The following USP9X variants were observed in gnomAD, a reference collection of about 807,000 sequenced individuals.
USP9X encodes ubiquitin carboxyl-terminal hydrolase 9X.
USP9X carries 7 observed loss-of-function variants against 190.3 expected under a neutral mutation model. The observed-to-expected ratio is 0.04, with a 90% CI of 0.02 to 0.07. The LOEUF is 0.07. Among genes scored for constraint, USP9X ranks in the 10% least tolerant of loss-of-function variants. USP9X has a pLI of 1.00. For missense variants in USP9X, 1,010 were observed against 1,916.9 expected (o/e 0.53, Z 8.83); for synonymous variants, 645 against 659.5 (o/e 0.98, Z 0.34).
chrX:41,088,495 T>A (rs757418145), intron 1 of USP9X, among the ~76,000 whole-genome samples: 1 of 112,541 alleles, frequency 8.9e-6, no homozygotes, highest in East Asian at 2.8e-4. Context: ...TTTAATAAGA[T>A]CAATTTCTAA....
Position 41,210,693 on chromosome X carries a change from A to C in USP9X, c.5189+11A>C, listed in dbSNP as rs1316775454. ...AGGCTGCCCACATAGGTAAGTACTA[A>C]TTACACATTGAAAGTATATGTTGTA... On this transcript the variant is annotated intron_variant, in intron 33 of 44. Transcript: ENST00000378308. 1 of 1,206,546 alleles carries C rather than the reference A, an allele frequency of 8.3e-7. No individual in the cohort carries two copies.
chrX:41,157,903 GTCTAA>G (rs963509674), intron 14 of USP9X, among the ~76,000 whole-genome samples: 44 of 111,928 alleles, frequency 3.9e-4, no homozygotes, highest in African/African-American at 1.1e-3. Flanking sequence ...TGATGACAAT[GTCTAA>G]TCTAAATTAG....
intron 1 of USP9X, 98 bp from the exon 2 acceptor site, chrX:41,123,373 T>C: frequency 3.0e-6 from 1 of 329,820 alleles, no homozygotes; most frequent in Non-Finnish European, 5.3e-6. Context: ...AGCCCCTTTT[T>C]CCTGATTAGA....
intron 30 of USP9X, among the ~76,000 whole-genome samples, chrX:41,200,186 A>G (rs1303931129): frequency 9.2e-6 from 1 of 108,650 alleles, no homozygotes; most frequent in Non-Finnish European, 1.9e-5. Flanking sequence ...TAGCTGTCCT[A>G]TCAAATCTAT....
chrX:41,132,487 A>G (rs181993762), intron 4 of USP9X, among the ~76,000 whole-genome samples: 47 of 109,769 alleles, frequency 4.3e-4, no homozygotes, highest in Admixed American at 2.0e-3. Context: ...TATTCTTAGT[A>G]AAGACGGGGT....
At chrX:41,091,733 G>GA (rs1270337894) in intron 1 of USP9X, among the ~76,000 whole-genome samples, 4 of 111,540 alleles carry the variant, frequency 3.6e-5, no homozygotes, top group Non-Finnish European at 7.5e-5. Context: ...TTTTTCAGAT[G>GA]AAAAAAATGG....
intron 13 of USP9X, among the ~76,000 whole-genome samples, 185 bp downstream of exon 13, chrX:41,151,242 A>G (rs1258437014): frequency 1.8e-5 from 2 of 111,172 alleles, no homozygotes; most frequent in African/African-American, 6.5e-5. Flanking sequence ...TTAATGAGGA[A>G]GTAAGCCACA....
intron 1 of USP9X, among the ~76,000 whole-genome samples, chrX:41,098,837 G>GTCTGGCTGACGTTTGAGATTGTT (rs1569146880): frequency 1.8e-5 from 2 of 111,072 alleles, no homozygotes; most frequent in African/African-American, 6.6e-5. Context: ...GAGCCACCGT[G>GTCTGGCTGACGTTTGAGATTGTT]CCCAGCCAAC....
chrX:41,204,295 A>G (rs2063070338), intron 31 of USP9X, among the ~76,000 whole-genome samples: 1 of 111,709 alleles, frequency 9.0e-6, no homozygotes, highest in Non-Finnish European at 1.9e-5. Context: ...TGTATGTTCT[A>G]GATATTAACT....
chrX:41,166,937 A>G (rs1216663569), intron 16 of USP9X, among the ~76,000 whole-genome samples: 1 of 112,039 alleles, frequency 8.9e-6, no homozygotes, highest in African/African-American at 3.2e-5. Context: ...TTGAACAAGG[A>G]AAATATGTTT....
At chrX:41,140,633 T>G (rs1166658385) in intron 6 of USP9X, 23 bp from the exon 7 acceptor site, 6 of 1,148,758 alleles carry the variant, frequency 5.2e-6, no homozygotes, top group Non-Finnish European at 7.1e-6. Context: ...GGAAGTTAAC[T>G]TTTTTCATTA....
intron 11 of USP9X, 59 bp from the exon 12 acceptor site, chrX:41,148,310 C>G: frequency 8.7e-7 from 1 of 1,144,107 alleles, no homozygotes; most frequent in Non-Finnish European, 1.2e-6. Context: ...AACCTGGTGA[C>G]AATTTATGAA....
At chrX:41,224,629 C>T in intron 39 of USP9X, 113 bp from the exon 40 acceptor site, 1 of 672,300 alleles carries the variant, frequency 1.5e-6, no homozygotes, top group Non-Finnish European at 2.2e-6. Context: ...GAGCGAGACT[C>T]CATCTTAAAA....
chrX:41,125,866 TATTAA>T lies in USP9X; in HGVS notation c.96+2146_96+2150del, dbSNP rs763698087. ...ATATATACAGTTTTATATTGGGAAG[TATTAA>T]ATTGAATGGCAAAACATTAAAACTT... On this transcript the variant is annotated intron_variant, in intron 2 of 44. Transcript: ENST00000378308. 2.0e-3 allele frequency among the ~76,000 whole-genome samples: 220 copies of T among 111,393 alleles called. 1 individual carries two copies. Among genetic ancestry groups the T allele is most frequent in the African/African-American group, 7.1e-3 (216 of 30,586 alleles).
intron 4 of USP9X, among the ~76,000 whole-genome samples, chrX:41,132,398 G>A (rs1349812506): frequency 1.0e-5 from 1 of 100,468 alleles, no homozygotes; most frequent in African/African-American, 3.7e-5. Context: ...CCACCTCCCC[G>A]GTTCAAGCGA....
At chrX:41,205,539 A>G in intron 32 of USP9X, 46 bp downstream of exon 32, 1 of 1,070,698 alleles carries the variant, frequency 9.3e-7, no homozygotes, top group South Asian at 2.4e-5. Flanking sequence ...TAAAATGAAC[A>G]TCTCAATACA....
chrX:41,156,273 C>G (rs2062578087), intron 14 of USP9X, among the ~76,000 whole-genome samples: 1 of 111,952 alleles, frequency 8.9e-6, no homozygotes, highest in Admixed American at 9.4e-5. Flanking sequence ...ATGTTCAGAT[C>G]CAGCTTTCTT....
chrX:41,092,149 G>A (rs890083944), intron 1 of USP9X, among the ~76,000 whole-genome samples: 4 of 111,617 alleles, frequency 3.6e-5, no homozygotes, highest in African/African-American at 9.8e-5. Context: ...TTTTCCTTGG[G>A]ATGAGTTTGA....
intron 1 of USP9X, among the ~76,000 whole-genome samples, chrX:41,090,321 AACTTCTAAC>A (rs2146906933): frequency 8.9e-6 from 1 of 111,823 alleles, no homozygotes; most frequent in East Asian, 2.8e-4. Flanking sequence ...AAAGACTTAA[AACTTCTAAC>A]ACTTACCTAT....
Sources: allele counts gnomAD v4.1 joint callset (sites outside exome capture counted in the v4.1 genomes callset), GRCh38; gene constraint gnomAD v4.1.1; transcripts MANE v1.5; gene names NCBI Gene and HGNC (gene_info 2026-07-23, HGNC 2026-07-21).